ENTHD1: variants seen among roughly 807,000 people sequenced by gnomAD.
ENTHD1 encodes the protein ENTH domain containing 1.
A neutral mutation model predicts 39.1 loss-of-function variants in ENTHD1; 23 were observed. The ratio of observed to expected loss-of-function variants is 0.59; its 90% CI spans 0.42 to 0.83. The LOEUF (loss-of-function observed/expected upper bound fraction) is 0.83, where lower values mean the gene tolerates loss of function less well. ENTHD1 is among the 40% of genes least tolerant of loss of function. ENTHD1 has a pLI of 0.00. For synonymous variants in ENTHD1, 230 were observed against 258.2 expected (o/e 0.89, Z 1.05); for missense variants, 624 against 705.4 (o/e 0.88, Z 1.31).
chr22:39,766,117 A>G (rs1386968999), intron 5 of ENTHD1, among the ~76,000 whole-genome samples: 1 of 151,180 alleles, frequency 6.6e-6, no homozygotes, highest in Non-Finnish European at 1.5e-5. Flanking sequence ...TCTATATGCA[A>G]GGCACATTAA....
intron 2 of ENTHD1, among the ~76,000 whole-genome samples, chr22:39,873,314 T>C (rs1380786702): frequency 6.6e-6 from 1 of 152,234 alleles, no homozygotes; most frequent in Non-Finnish European, 1.5e-5. Flanking sequence ...TCCTAGAATC[T>C]GAATTGGTTT....
chr22:39,776,417 G>A (rs1021634248), intron 5 of ENTHD1, among the ~76,000 whole-genome samples: 6 of 152,056 alleles, frequency 3.9e-5, no homozygotes, highest in Admixed American at 1.3e-4. Flanking sequence ...CTTTGTTCTC[G>A]AGGATCTATC....
At position 39,765,388 on chromosome 22, in the gene ENTHD1, A is replaced by T; in HGVS notation, c.1054T>A (p.Ser352Thr). The T allele has an allele frequency of 6.2e-7, 1 of 1,613,954 alleles. No homozygotes were observed. The highest frequency in any genetic ancestry group is 2.2e-5 in the East Asian group (1 of 44,870). Residue 352 changes from serine to threonine, a missense_variant, in exon 6 of 7, where the codon TCA becomes ACA. Physicochemically the swap from Ser to Thr is moderately conservative, Grantham distance 58. Coordinates refer to ENST00000325157, the MANE Select transcript of ENTHD1 (RefSeq NM_152512.4). Reference protein sequence around the residue: ...FISPDLRVSKSDSTFHNQASV... With the variant: ...FISPDLRVSKTDSTFHNQASV... The stretch of plus-strand genomic sequence containing the variant: ...GCCTGGTTATGGAAAGTAGAATCTG[A>T]CTTTGATACCCTTAAGTCGGGGCTG...
chr22:39,852,183 C>A (rs1239041146), intron 3 of ENTHD1, among the ~76,000 whole-genome samples: 4 of 150,464 alleles, frequency 2.7e-5, no homozygotes, highest in Non-Finnish European at 5.9e-5. Context: ...AAAAAAAAAA[C>A]CCAAAAACCC....
chr22:39,874,428 C>T (rs1216825194), intron 2 of ENTHD1: 1 of 152,094 alleles, frequency 6.6e-6, no homozygotes, highest in Non-Finnish European at 1.5e-5. Context: ...TCCTCTTTGA[C>T]CAAGAATCCA....
intron 5 of ENTHD1, among the ~76,000 whole-genome samples, chr22:39,798,484 A>G (rs2065568840): frequency 6.6e-6 from 1 of 152,084 alleles, no homozygotes; most frequent in Non-Finnish European, 1.5e-5. Context: ...GTAGTCTTCC[A>G]TATTATTTCT....
intron 5 of ENTHD1, among the ~76,000 whole-genome samples, chr22:39,797,267 G>A (rs1475252761): frequency 2.6e-5 from 4 of 152,084 alleles, no homozygotes; most frequent in Non-Finnish European, 4.4e-5. Context: ...TGAGTTTATC[G>A]TAGGCAGCAT....
chr22:39,878,111 G>T (rs2066306392), intron 2 of ENTHD1, among the ~76,000 whole-genome samples: 1 of 152,176 alleles, frequency 6.6e-6, no homozygotes, highest in Admixed American at 6.5e-5. Flanking sequence ...GAAATTCTAA[G>T]AAGGAATCAA....
chr22:39,743,351 G>T lies in ENTHD1; in HGVS notation c.*328C>A. The T allele has an allele frequency of 4.9e-6, 1 of 203,446 alleles. No homozygotes were observed. Among genetic ancestry groups the T allele is most frequent in the Admixed American group, 5.4e-5 (1 of 18,472 alleles). 12.6% of individuals were successfully genotyped at this position (203,446 alleles called of 1,614,324 possible). On this transcript the variant is annotated 3_prime_UTR_variant, in exon 7 of 7. Coordinates refer to ENST00000325157, the MANE Select transcript of ENTHD1 (RefSeq NM_152512.4). The stretch of plus-strand genomic sequence containing the variant: ...CCTGCCTCCTTATCCAAAAGCTCTT[G>T]AATAGTCATTTGCAGTTTGAGGTCT...
At chr22:39,821,831 C>G (rs1430703289) in intron 4 of ENTHD1, among the ~76,000 whole-genome samples, 1 of 152,130 alleles carries the variant, frequency 6.6e-6, no homozygotes, top group South Asian at 2.1e-4. Flanking sequence ...TTCACTATAA[C>G]CTCTCATGGC....
chr22:39,762,108 C>G (rs907254480), intron 6 of ENTHD1, among the ~76,000 whole-genome samples: 1 of 152,152 alleles, frequency 6.6e-6, no homozygotes, highest in Admixed American at 6.5e-5. Context: ...TTTTCAAACT[C>G]CAGTAAGCAA....
chr22:39,850,681 T>C (rs1344678456), intron 3 of ENTHD1, among the ~76,000 whole-genome samples: 2 of 152,184 alleles, frequency 1.3e-5, no homozygotes, highest in Non-Finnish European at 2.9e-5. Flanking sequence ...ATGCACTCTA[T>C]TTCTCTTCTT....
At chr22:39,854,317 G>GCA (rs1454546752) in intron 3 of ENTHD1, among the ~76,000 whole-genome samples, 1 of 152,176 alleles carries the variant, frequency 6.6e-6, no homozygotes, top group Non-Finnish European at 1.5e-5. Flanking sequence ...AGCAATGATA[G>GCA]TTTTCAGGGA....
At chr22:39,883,088 A>C (rs3021223) in intron 2 of ENTHD1, among the ~76,000 whole-genome samples, 16,415 of 151,786 alleles carry the variant, frequency 0.11, 1,045 homozygotes, top group African/African-American at 0.14. Flanking sequence ...CCCTAATGGA[A>C]TCTTTTTCAT....
intron 3 of ENTHD1, among the ~76,000 whole-genome samples, chr22:39,855,425 T>C (rs1192067019): frequency 1.3e-5 from 2 of 152,216 alleles, no homozygotes; most frequent in Non-Finnish European, 2.9e-5. Context: ...TTGTATTCTT[T>C]ACCATTATTG....
chr22:39,812,746 C>G (rs2065700437), intron 5 of ENTHD1, among the ~76,000 whole-genome samples: 1 of 152,082 alleles, frequency 6.6e-6, no homozygotes, highest in African/African-American at 2.4e-5. Context: ...CAGCCAGTTA[C>G]CAGGTGGCAG....
Position 39,744,207 on chromosome 22 carries a change from C to A in ENTHD1, c.1296G>T (p.Lys432Asn). 6.2e-7 allele frequency: 1 copy of A among 1,614,062 alleles called. No homozygotes were observed. Among genetic ancestry groups the A allele is most frequent in the Non-Finnish European group, 8.5e-7 (1 of 1,179,976 alleles). ...GAATTGGTGATAAGAGATGAGCTGA[C>A]TTCTCTGGAGAGGCTAAATCAGGAG... ...MSSPDLASPE[K>N]SAHLLSPILA... Residue 432 changes from lysine (K) to asparagine (N), a missense_variant, in exon 7 of 7, where the codon AAG becomes AAT. Coordinates refer to ENST00000325157, the MANE Select transcript of ENTHD1 (RefSeq NM_152512.4).
chr22:39,861,830 G>A lies in ENTHD1; in HGVS notation c.527C>T (p.Thr176Ile), dbSNP rs1322381701. ...CTTCTCTGAAGCAGAAATATCCGGTGTGGGGGCAGAAGTGCACGCTGTCAG... is the reference window on the plus strand; with the variant it reads ...CTTCTCTGAAGCAGAAATATCCGGTATGGGGGCAGAAGTGCACGCTGTCAG... Reference protein sequence around the residue: ...NSLTACTSAPTPDISASEKKY... With the variant: ...NSLTACTSAPIPDISASEKKY... Residue 176 changes from threonine (T) to isoleucine (I), a missense_variant, in exon 3 of 7, where the codon ACA (threonine) becomes ATA (isoleucine). Coordinates refer to ENST00000325157, the MANE Select transcript of ENTHD1 (RefSeq NM_152512.4). The A allele has an allele frequency of 6.3e-7, 1 of 1,598,452 alleles. No homozygotes were observed. Among genetic ancestry groups the A allele is most frequent in the South Asian group, 1.1e-5 (1 of 88,310 alleles).
chr22:39,772,764 G>A (rs1362935866), intron 5 of ENTHD1, among the ~76,000 whole-genome samples: 1 of 152,086 alleles, frequency 6.6e-6, no homozygotes, highest in Non-Finnish European at 1.5e-5. Flanking sequence ...ATTGCAAATG[G>A]GTTGAAAGTA....
Sources: gnomAD v4.1 joint callset for allele counts (sites outside exome capture counted in the v4.1 genomes callset) on GRCh38, gnomAD v4.1.1 for gene constraint, MANE v1.5 for transcripts, NCBI Gene and HGNC (gene_info 2026-07-23, HGNC 2026-07-21) for gene names.